The following PTPRD variants were observed in gnomAD, a reference collection of about 807,000 sequenced individuals.
The protein encoded by PTPRD is receptor-type tyrosine-protein phosphatase delta.
A neutral mutation model predicts 214.5 loss-of-function variants in PTPRD; 34 were observed. That is an observed-to-expected ratio of 0.16 (90% CI 0.12 to 0.21). The LOEUF is 0.21. PTPRD is among the 10% of genes least tolerant of loss of function. The pLI is 1.00. For synonymous variants in PTPRD, 1,128 were observed against 845.7 expected (o/e 1.33, Z -5.79); for missense variants, 2,545 against 2,398.7 (o/e 1.06, Z -1.27).
At chr9:9,106,904 A>G (rs2099799465) in intron 10 of PTPRD, among the ~76,000 whole-genome samples, 1 of 152,140 alleles carries the variant, frequency 6.6e-6, no homozygotes, top group Admixed American at 6.6e-5. Context: ...TGTGTTTGTG[A>G]TAACTTAATC....
At chr9:9,717,992 C>CA (rs2097862947) in intron 7 of PTPRD, among the ~76,000 whole-genome samples, 1 of 152,166 alleles carries the variant, frequency 6.6e-6, no homozygotes, top group African/African-American at 2.4e-5. Context: ...CTCAGCTTTC[C>CA]AAAAAATACC....
chr9:8,368,286 G>C (rs1436927200), intron 39 of PTPRD, among the ~76,000 whole-genome samples: 1 of 152,128 alleles, frequency 6.6e-6, no homozygotes, highest in Admixed American at 6.6e-5. Flanking sequence ...TGGCGAGTGA[G>C]GAAAGTAATA....
intron 14 of PTPRD, among the ~76,000 whole-genome samples, chr9:8,630,721 G>A (rs1199730655): frequency 6.6e-6 from 1 of 151,836 alleles, no homozygotes; most frequent in Non-Finnish European, 1.5e-5. Context: ...CATTTTTGAT[G>A]CATTTGTTTT....
chr9:9,269,392 T>C (rs1941792683), intron 9 of PTPRD, among the ~76,000 whole-genome samples: 1 of 151,296 alleles, frequency 6.6e-6, no homozygotes, highest in Admixed American at 6.6e-5. Flanking sequence ...AGAATCCTTA[T>C]GCATTGTTGG....
chr9:10,201,781 ATT>A, intron 3 of PTPRD, among the ~76,000 whole-genome samples: 1 of 152,228 alleles, frequency 6.6e-6, no homozygotes, highest in South Asian at 2.1e-4. Context: ...TGCGATTATG[ATT>A]TGTCAACCAT....
intron 19 of PTPRD, among the ~76,000 whole-genome samples, chr9:8,523,136 T>G (rs2097923314): frequency 6.6e-6 from 1 of 152,130 alleles, no homozygotes; most frequent in African/African-American, 2.4e-5. Context: ...TTAGTCTTCA[T>G]GCTTGGGATT....
At chr9:10,112,099 G>T (rs291293) in intron 3 of PTPRD, among the ~76,000 whole-genome samples, 63,129 of 151,986 alleles carry the variant, frequency 0.42, 14,261 homozygotes, top group Middle Eastern at 0.56. Flanking sequence ...AAGGGAAGAA[G>T]CATGCCAGAT....
intron 11 of PTPRD, among the ~76,000 whole-genome samples, chr9:8,786,635 G>C (rs954725659): frequency 6.6e-6 from 1 of 151,076 alleles, no homozygotes; most frequent in African/African-American, 2.4e-5. Context: ...GGCTGGTCTG[G>C]AACTCCTAAC....
chr9:10,512,017 T>TATACACACAC (rs2048394435), intron 2 of PTPRD, among the ~76,000 whole-genome samples: 1 of 64,450 alleles, frequency 1.6e-5, no homozygotes, highest in Non-Finnish European at 2.8e-5. Flanking sequence ...TATACGTGTG[T>TATACACACAC]GTATATATAT....
In PTPRD at chr9:9,507,872, A is replaced by T. The variant is rs571174968; in HGVS notation, c.-237+66860T>A. Reference sequence around the variant, plus strand: ...ACTGTGCCTTCATAAACCAAAGTCTATTTGATTTTTGTCATTCGTGTCTTG... The same window carrying T: ...ACTGTGCCTTCATAAACCAAAGTCTTTTTGATTTTTGTCATTCGTGTCTTG... On this transcript the variant is annotated intron_variant, in intron 8 of 45. Coordinates refer to ENST00000381196, the MANE Select transcript of PTPRD (RefSeq NM_002839.4). Among the ~76,000 whole-genome samples the T allele has an allele frequency of 7.9e-5, 12 of 151,566 alleles. 1 individual carries two copies. The highest frequency in any genetic ancestry group is 2.1e-4 in the South Asian group (1 of 4,826).
chr9:10,278,721 T>C (rs2094882707), intron 3 of PTPRD, among the ~76,000 whole-genome samples: 1 of 152,164 alleles, frequency 6.6e-6, no homozygotes, highest in Non-Finnish European at 1.5e-5. Context: ...TAAGTTTGAA[T>C]ATATATAAAC....
In PTPRD at chr9:8,438,435, C is replaced by T. The variant is rs528230094; in HGVS notation, c.3989-1746G>A. 7.9e-5 allele frequency among the ~76,000 whole-genome samples: 12 copies of T among 152,140 alleles called. No individual in the cohort carries two copies. The East Asian group carries it at 2.3e-3, about 29-fold the overall frequency. On this transcript the variant is annotated intron_variant, in intron 34 of 45. Transcript: ENST00000381196. ...ACTCTTTGTTGGTGATATAATAATG[C>T]CTTTGGAACAAAATTTTGGAACCCT...
intron 11 of PTPRD, among the ~76,000 whole-genome samples, chr9:8,751,445 G>T (rs2093523636): frequency 6.6e-6 from 1 of 151,786 alleles, no homozygotes; most frequent in Admixed American, 6.6e-5. Context: ...TTAGGTTTCT[G>T]AAGTTTTGTA....
chr9:9,450,104 G>GTA (rs2091699993), intron 8 of PTPRD, among the ~76,000 whole-genome samples: 1 of 73,794 alleles, frequency 1.4e-5, no homozygotes, highest in South Asian at 4.7e-4. Context: ...TGGTGTGTGT[G>GTA]TGTGTGTGTG....
intron 3 of PTPRD, among the ~76,000 whole-genome samples, chr9:10,276,911 G>A (rs563976131): frequency 6.6e-6 from 1 of 152,278 alleles, no homozygotes; most frequent in South Asian, 2.1e-4. Context: ...GGTACAATCA[G>A]AATCTAAATG....
At chr9:10,534,427 T>TA (rs1343211828) in intron 2 of PTPRD, among the ~76,000 whole-genome samples, 1 of 152,120 alleles carries the variant, frequency 6.6e-6, no homozygotes, top group Non-Finnish European at 1.5e-5. Flanking sequence ...AAGTTTACTT[T>TA]AAAATGATGA....
chr9:10,560,208 C>A (rs1288657040), intron 2 of PTPRD, among the ~76,000 whole-genome samples: 4 of 152,106 alleles, frequency 2.6e-5, no homozygotes, highest in Non-Finnish European at 5.9e-5. Flanking sequence ...CACATATACA[C>A]CATGGAATAC....
intron 2 of PTPRD, among the ~76,000 whole-genome samples, chr9:10,502,668 A>G (rs1362414879): frequency 6.6e-6 from 1 of 152,148 alleles, no homozygotes; most frequent in African/African-American, 2.4e-5. Context: ...GCATGCACAC[A>G]CATACATACA....
intron 8 of PTPRD, among the ~76,000 whole-genome samples, chr9:9,504,043 G>T (rs1014252587): frequency 6.6e-6 from 1 of 151,402 alleles, no homozygotes; most frequent in African/African-American, 2.4e-5. Flanking sequence ...CTCCCCAAAT[G>T]CACCACATAG....
Sources: gnomAD v4.1 joint callset for allele counts (sites outside exome capture counted in the v4.1 genomes callset) on GRCh38, gnomAD v4.1.1 for gene constraint, MANE v1.5 for transcripts, NCBI Gene and HGNC (gene_info 2026-07-23, HGNC 2026-07-21) for gene names.